The following SDF4 variants were observed in gnomAD, a reference collection of about 807,000 sequenced individuals.
SDF4 encodes stromal cell derived factor 4, also known as 45 kDa calcium-binding protein.
SDF4 carries 22 observed loss-of-function variants against 34.2 expected under a neutral mutation model. The observed-to-expected ratio is 0.64, with a 90% confidence interval of 0.46 to 0.92. The LOEUF is 0.92. Ranked by LOEUF, SDF4 falls within the 40% of genes least tolerant of loss-of-function variation. The pLI, the probability that SDF4 is intolerant of heterozygous loss-of-function variation, is 0.00. For missense variants in SDF4, 447 were observed against 499.9 expected (o/e 0.89, Z 1.01); for synonymous variants, 236 against 203.1 (o/e 1.16, Z -1.38).
intron 4 of SDF4, among the ~76,000 whole-genome samples, chr1:1,222,964 C>T (rs188585311): frequency 3.3e-5 from 5 of 152,272 alleles, no homozygotes; most frequent in East Asian, 1.9e-4. Context: ...ACACACGACA[C>T]GCACACACGT....
At chr1:1,219,524 G>A (rs571729457) in intron 4 of SDF4, 21 of 991,914 alleles carry the variant, frequency 2.1e-5, no homozygotes, top group African/African-American at 5.2e-5. Flanking sequence ...CACGTGTGAC[G>A]TCACAGGGAG....
intron 4 of SDF4, among the ~76,000 whole-genome samples, chr1:1,222,245 C>T (rs74374908): frequency 0.12 from 17,672 of 152,286 alleles, 1,175 homozygotes; most frequent in East Asian, 0.17. Context: ...GTGGCAGCAA[C>T]GCCACGGTAC....
Position 1,217,905 on chromosome 1 carries a change from C to A in SDF4, c.892-217G>T. 1 of 1,315,136 alleles carries A rather than the reference C, an allele frequency of 7.6e-7. No individual in the cohort carries two copies. Among genetic ancestry groups the A allele is most frequent in the Non-Finnish European group, 1.0e-6 (1 of 988,010 alleles). The allele number at this position is 1,315,136 out of a possible 1,614,324, so 81.5% of individuals were successfully genotyped here. A position where few individuals can be genotyped will look rare whatever the true frequency, so the allele number is the denominator to read the frequency against. On this transcript the variant is annotated intron_variant, in intron 6 of 6. Coordinates refer to ENST00000360001, the MANE Select transcript of SDF4 (RefSeq NM_016176.6). This position sits in a 1 kb window ranked among gnomAD's most constrained non-coding sequence, Gnocchi z 8.5. ...CCCGGGGCCAGCAGGGGTAACGGGG[C>A]ACAGGGGCTACACAGGCCTGGACCC...
intron 4 of SDF4, chr1:1,219,221 C>T (rs1394355593): frequency 8.3e-7 from 1 of 1,206,184 alleles, no homozygotes; most frequent in Non-Finnish European, 1.0e-6. Flanking sequence ...CTGCCCCAGA[C>T]CCCCAATACA....
chr1:1,228,221 A>G (rs960112896), intron 2 of SDF4, among the ~76,000 whole-genome samples: 6 of 152,242 alleles, frequency 3.9e-5, no homozygotes, highest in Non-Finnish European at 7.4e-5. Flanking sequence ...GGACGGCCAC[A>G]CAGGCCCACT....
chr1:1,218,969 C>A lies in SDF4; in HGVS notation c.557-42G>T, dbSNP rs1649723753. ...CTGTGGGTATCGAGGCCGACAGACG[C>A]CAGCACGCAAATCCAGAAAGTTCCG... On this transcript the variant is annotated intron_variant, in intron 4 of 6. Transcript: ENST00000360001. The surrounding 1 kb of genome is among the most constrained non-coding windows in gnomAD (Gnocchi z 7.9). 1 of 1,612,482 alleles carries A rather than the reference C, an allele frequency of 6.2e-7. No homozygotes were observed. The highest frequency in any genetic ancestry group is 8.5e-7 in the Non-Finnish European group (1 of 1,179,774).
chr1:1,222,889 G>T (rs2100975326), intron 4 of SDF4, among the ~76,000 whole-genome samples: 1 of 152,364 alleles, frequency 6.6e-6, no homozygotes, highest in Non-Finnish European at 1.5e-5. Flanking sequence ...TCACCTGCAT[G>T]TACTCACGAG....
intron 4 of SDF4, chr1:1,220,598 G>T (rs1303159783): frequency 7.8e-7 from 1 of 1,287,642 alleles, no homozygotes; most frequent in East Asian, 5.6e-5. Flanking sequence ...GGGTGGGCAG[G>T]GAACAGCACC....
At chr1:1,221,252 C>T (rs1649937426) in intron 4 of SDF4, 1 of 163,102 alleles carries the variant, frequency 6.1e-6, no homozygotes, top group Non-Finnish European at 1.3e-5. Context: ...ATGCCTGCAA[C>T]CCCAGGATGG....
chr1:1,224,732 G>A (rs1638240970), intron 2 of SDF4, among the ~76,000 whole-genome samples: 1 of 152,182 alleles, frequency 6.6e-6, no homozygotes, highest in African/African-American at 2.4e-5. Context: ...GCAACATAGG[G>A]AGACCCCACC....
intron 4 of SDF4, among the ~76,000 whole-genome samples, chr1:1,222,167 T>C (rs79118541): frequency 0.11 from 17,432 of 152,240 alleles, 1,138 homozygotes; most frequent in East Asian, 0.17. Flanking sequence ...CAGGCGACTC[T>C]GCACGTTCTC....
rs750924079 is a variant in SDF4 at position 1,218,728 on chromosome 1, C to G, written c.715+41G>C. ...CGATGCCCGGCCCCTGCCAGTCGGT[C>G]CTGGGTCCTGGCGTGCCGGCCAGGC... On this transcript the variant is annotated intron_variant, in intron 5 of 6. Coordinates refer to ENST00000360001, the MANE Select transcript of SDF4 (RefSeq NM_016176.6). This position sits in a 1 kb window ranked among gnomAD's most constrained non-coding sequence, Gnocchi z 7.9. 2 of 1,612,068 alleles carry G rather than the reference C, an allele frequency of 1.2e-6. No homozygotes were observed. Among genetic ancestry groups the G allele is most frequent in the Non-Finnish European group, 1.7e-6 (2 of 1,179,042 alleles).
chr1:1,218,359 C>T lies in SDF4; in HGVS notation c.891+99G>A, dbSNP rs1213349381. Reference sequence around the variant, plus strand: ...AGCCCAGATGGAGTCTCAGGCCAGACACCAGCACAGCTTCCTGCCTCAGGC... The same window carrying T: ...AGCCCAGATGGAGTCTCAGGCCAGATACCAGCACAGCTTCCTGCCTCAGGC... On this transcript the variant is annotated intron_variant, in intron 6 of 6. Coordinates refer to ENST00000360001, the MANE Select transcript of SDF4 (RefSeq NM_016176.6). The surrounding 1 kb of genome is among the most constrained non-coding windows in gnomAD (Gnocchi z 7.9). 1 of 1,334,360 alleles carries T rather than the reference C, an allele frequency of 7.5e-7. No individual in the cohort carries two copies. Among genetic ancestry groups the T allele is most frequent in the Non-Finnish European group, 1.0e-6 (1 of 976,508 alleles). 82.7% of individuals were successfully genotyped at this position (1,334,360 alleles called of 1,614,324 possible).
chr1:1,223,947 C>T lies in SDF4; in HGVS notation c.327G>A (p.Arg109=), dbSNP rs1336983670. 1.6e-5 allele frequency: 25 copies of T among 1,611,268 alleles called. No homozygotes were observed. The highest frequency in any genetic ancestry group is 2.0e-5 in the Non-Finnish European group (24 of 1,179,864). Residue 109 remains arginine, a synonymous_variant, in exon 3 of 7, where the codon CGG becomes CGA. Coordinates refer to ENST00000360001, the MANE Select transcript of SDF4 (RefSeq NM_016176.6). ...IFSKVDVNTD[R]KISAKEMQRW... ...GCTGCATCTCCTTGGCACTGATCTT[C>T]CGGTCAGTGTTCACATCCACCCTGC...
At chr1:1,226,427 A>G (rs759058887) in intron 2 of SDF4, among the ~76,000 whole-genome samples, 7 of 151,988 alleles carry the variant, frequency 4.6e-5, no homozygotes, top group Non-Finnish European at 8.8e-5. Flanking sequence ...AACACATCCC[A>G]CAAGCCCAAA....
chr1:1,220,567 A>AG (rs1649884104), intron 4 of SDF4: 2 of 1,265,012 alleles, frequency 1.6e-6, no homozygotes, highest in South Asian at 1.3e-5. Context: ...GAGGTCGGGG[A>AG]GGCCAAGACG....
At chr1:1,230,357 G>C (rs193297255) in intron 1 of SDF4, among the ~76,000 whole-genome samples, 1 of 152,190 alleles carries the variant, frequency 6.6e-6, no homozygotes, top group African/African-American at 2.4e-5. Flanking sequence ...CAGTGGGGCC[G>C]CCATGAAAGT....
rs887634489 is a variant in SDF4, at chr1:1,217,287, G to A, written c.*225C>T. On this transcript the variant is annotated 3_prime_UTR_variant, in exon 7 of 7. Coordinates refer to ENST00000360001, the MANE Select transcript of SDF4 (RefSeq NM_016176.6). This position sits in a 1 kb window ranked among gnomAD's most constrained non-coding sequence, Gnocchi z 8.5. The stretch of plus-strand genomic sequence containing the variant: ...GGGACCAGGGAGGAGGCGGCGCCGC[G>A]GGGCCACAGCCCAGCCCCGCGCCCC... The A allele has an allele frequency of 1.5e-4, 33 of 213,066 alleles. No homozygotes were observed. Among genetic ancestry groups the A allele is most frequent in the East Asian group, 3.1e-4 (3 of 9,664 alleles). The allele number at this position is 213,066 out of a possible 1,614,324, so 13.2% of individuals were successfully genotyped here. A position where few individuals can be genotyped will look rare whatever the true frequency, so the allele number is the denominator to read the frequency against.
intron 1 of SDF4, among the ~76,000 whole-genome samples, 163 bp downstream of exon 1, chr1:1,231,728 GC>G (rs1482128190): frequency 3.9e-5 from 6 of 152,354 alleles, no homozygotes; most frequent in African/African-American, 1.4e-4. Flanking sequence ...AACCCCGGGA[GC>G]CCCGGTGGCG....
Sources: gnomAD v4.1 joint callset for allele counts (sites outside exome capture counted in the v4.1 genomes callset) on GRCh38, gnomAD v4.1.1 for gene constraint, Gnocchi (gnomAD v3.1) non-coding constraint, MANE v1.5 for transcripts, NCBI Gene and HGNC (gene_info 2026-07-23, HGNC 2026-07-21) for gene names.